The following GAREM1 variants were observed in gnomAD, a reference collection of about 807,000 sequenced individuals.
GAREM1 encodes GRB2-associated and regulator of MAPK protein 1.
GAREM1 carries 26 observed loss-of-function variants against 71.3 expected under a neutral mutation model. That is an observed-to-expected ratio of 0.36 (90% CI 0.27 to 0.51). The LOEUF is 0.51. Ranked by LOEUF, GAREM1 falls within the 20% of genes least tolerant of loss-of-function variation. The pLI is 0.95. For missense variants in GAREM1, 1,026 were observed against 1,103.1 expected (o/e 0.93, Z 0.99); for synonymous variants, 440 against 433.2 (o/e 1.02, Z -0.20).
At chr18:32,417,577 G>A (rs147172214) in intron 1 of GAREM1, among the ~76,000 whole-genome samples, 1,858 of 152,240 alleles carry the variant, frequency 0.012, 12 homozygotes, top group Middle Eastern at 0.031. Context: ...AAGAACATGG[G>A]TGGAACTGGA....
At chr18:32,315,517 A>G (rs1392130881) in intron 2 of GAREM1, among the ~76,000 whole-genome samples, 1 of 147,344 alleles carries the variant, frequency 6.8e-6, no homozygotes, top group African/African-American at 2.5e-5. Flanking sequence ...AGATATATAT[A>G]AAAATATATA....
At chr18:32,399,996 C>T (rs2048296668) in intron 1 of GAREM1, among the ~76,000 whole-genome samples, 1 of 152,154 alleles carries the variant, frequency 6.6e-6, no homozygotes, top group South Asian at 2.1e-4. Flanking sequence ...TGGAACAGAA[C>T]AGAGCCCTCA....
At chr18:32,422,139 C>A (rs948284211) in intron 1 of GAREM1, among the ~76,000 whole-genome samples, 14 of 152,114 alleles carry the variant, frequency 9.2e-5, no homozygotes, top group Non-Finnish European at 2.1e-4. Flanking sequence ...TCCCTCCCCC[C>A]TTCCCCAACC....
intron 1 of GAREM1, among the ~76,000 whole-genome samples, chr18:32,402,894 G>C (rs2048329111): frequency 8.7e-6 from 1 of 114,490 alleles, no homozygotes; most frequent in Non-Finnish European, 1.8e-5. Flanking sequence ...TGGACCTTTT[G>C]GTTGGATTTT....
At chr18:32,297,768 A>G (rs2144493256) in intron 3 of GAREM1, among the ~76,000 whole-genome samples, 1 of 152,358 alleles carries the variant, frequency 6.6e-6, no homozygotes, top group Non-Finnish European at 1.5e-5. Flanking sequence ...TCTCAGCTGC[A>G]CTGCTATACT....
intron 3 of GAREM1, among the ~76,000 whole-genome samples, chr18:32,299,867 A>G (rs2047182649): frequency 6.6e-6 from 1 of 152,210 alleles, no homozygotes; most frequent in Non-Finnish European, 1.5e-5. Flanking sequence ...CAAATAAGAC[A>G]GCAAACCTTT....
intron 2 of GAREM1, among the ~76,000 whole-genome samples, chr18:32,364,009 TATATATATATATATA>T (rs2047896415): frequency 4.0e-5 from 2 of 50,590 alleles, no homozygotes; most frequent in African/African-American, 2.1e-4. Flanking sequence ...TATATATATA[TATATATATATATATA>T]TATGTTTTTT....
intron 2 of GAREM1, among the ~76,000 whole-genome samples, chr18:32,377,619 A>G (rs1197929762): frequency 6.6e-6 from 1 of 152,208 alleles, no homozygotes; most frequent in Non-Finnish European, 1.5e-5. Flanking sequence ...GCTGGAGTGC[A>G]GTGGCGCGAT....
intron 2 of GAREM1, among the ~76,000 whole-genome samples, chr18:32,364,026 A>ATTTTTT (rs1336753011): frequency 4.3e-5 from 2 of 46,416 alleles, no homozygotes; most frequent in African/African-American, 3.3e-4. Flanking sequence ...ATATATATAT[A>ATTTTTT]TGTTTTTTTT....
chr18:32,268,076 G>A lies in GAREM1; in HGVS notation c.2426C>T (p.Ser809Leu). The A allele has an allele frequency of 6.2e-7, 1 of 1,614,114 alleles. No individual in the cohort carries two copies. The highest frequency in any genetic ancestry group is 8.5e-7 in the Non-Finnish European group (1 of 1,179,976). ...GSPWQPPADL[S>L]GLSIEEVSKS... Reference sequence around the variant, plus strand: ...GGACACTTCCTCTATAGAGAGTCCTGATAGGTCAGCAGGTGGCTGCCATGG... The same window carrying A: ...GGACACTTCCTCTATAGAGAGTCCTAATAGGTCAGCAGGTGGCTGCCATGG... Residue 809 changes from serine to leucine, a missense_variant, in exon 6 of 6, where the codon TCA (serine) becomes TTA (leucine). Coordinates refer to ENST00000269209, the MANE Select transcript of GAREM1 (RefSeq NM_001242409.2).
intron 2 of GAREM1, among the ~76,000 whole-genome samples, chr18:32,371,171 G>A (rs1428535670): frequency 1.3e-5 from 2 of 152,050 alleles, no homozygotes; most frequent in Non-Finnish European, 2.9e-5. Flanking sequence ...CATGGCATGT[G>A]CAGGGAACTA....
chr18:32,412,351 T>C (rs1425161159), intron 1 of GAREM1: 1 of 1,593,396 alleles, frequency 6.3e-7, no homozygotes, highest in African/African-American at 1.3e-5. Context: ...CCTCCCTTCA[T>C]GGGTCCAAAA....
At chr18:32,323,113 G>A (rs2047445437) in intron 2 of GAREM1, among the ~76,000 whole-genome samples, 1 of 152,172 alleles carries the variant, frequency 6.6e-6, no homozygotes, top group African/African-American at 2.4e-5. Context: ...CCCAGAGGCA[G>A]GAAATTTTTA....
At chr18:32,369,833 A>G (rs921553908) in intron 2 of GAREM1, among the ~76,000 whole-genome samples, 1 of 152,182 alleles carries the variant, frequency 6.6e-6, no homozygotes, top group Non-Finnish European at 1.5e-5. Flanking sequence ...GGATTTGTCC[A>G]TATTATGTAG....
At chr18:32,441,907 T>C (rs2048741719) in intron 1 of GAREM1, among the ~76,000 whole-genome samples, 1 of 152,174 alleles carries the variant, frequency 6.6e-6, no homozygotes, top group Admixed American at 6.5e-5. Flanking sequence ...GTAACAGAAC[T>C]TGAAGCAATT....
chr18:32,326,246 T>TA (rs986192233), intron 2 of GAREM1, among the ~76,000 whole-genome samples: 3 of 152,150 alleles, frequency 2.0e-5, no homozygotes, highest in Non-Finnish European at 4.4e-5. Flanking sequence ...GACTGGGAAA[T>TA]AACAAGTGTG....
intron 3 of GAREM1, among the ~76,000 whole-genome samples, chr18:32,301,588 C>T (rs1303597502): frequency 6.6e-6 from 1 of 152,198 alleles, no homozygotes; most frequent in East Asian, 1.9e-4. Context: ...AATTAGAACT[C>T]ACCAGCCTCA....
intron 2 of GAREM1, among the ~76,000 whole-genome samples, chr18:32,373,224 G>A (rs917044336): frequency 7.2e-5 from 11 of 152,280 alleles, no homozygotes; most frequent in Admixed American, 3.9e-4. Context: ...CAACTTGGAA[G>A]AGAATCCTAC....
intron 2 of GAREM1, among the ~76,000 whole-genome samples, chr18:32,372,432 A>C (rs190751705): frequency 6.6e-6 from 1 of 152,328 alleles, no homozygotes; most frequent in East Asian, 1.9e-4. Flanking sequence ...ACCCAATCCT[A>C]TTGATTTTTA....
Sources: gnomAD v4.1 joint callset for allele counts (sites outside exome capture counted in the v4.1 genomes callset) on GRCh38, gnomAD v4.1.1 for gene constraint, MANE v1.5 for transcripts, NCBI Gene and HGNC (gene_info 2026-07-23, HGNC 2026-07-21) for gene names.